The following ZNF415 variants were observed in gnomAD, a reference collection of about 807,000 sequenced individuals.
The protein encoded by ZNF415 is zinc finger protein 415.
In ZNF415, 5 loss-of-function variants were observed where a neutral mutation model predicts 7.3. That is an observed-to-expected ratio of 0.69 (90% CI 0.36 to 1.44). The LOEUF is 1.44. ZNF415 is among the 40% of genes most tolerant of loss of function. The pLI, the probability that ZNF415 is intolerant of heterozygous loss-of-function variation, is 0.04. For synonymous variants in ZNF415, 207 were observed against 226.3 expected (o/e 0.91, Z 0.77); for missense variants, 628 against 664.8 (o/e 0.94, Z 0.61).
At chr19:53,120,198 A>G (rs926078741) in intron 2 of ZNF415, among the ~76,000 whole-genome samples, 4 of 152,198 alleles carry the variant, frequency 2.6e-5, no homozygotes, top group Non-Finnish European at 5.9e-5. Context: ...ACTCAAGGTA[A>G]TAGACACTTC....
chr19:53,112,679 CAT>C (rs1168881867), intron 3 of ZNF415, among the ~76,000 whole-genome samples: 1 of 152,104 alleles, frequency 6.6e-6, no homozygotes, highest in Non-Finnish European at 1.5e-5. Context: ...ATCAAGGTAT[CAT>C]GTGAGGATAG....
chr19:53,129,935 T>G (rs1288937126), intron 1 of ZNF415, among the ~76,000 whole-genome samples: 1 of 151,956 alleles, frequency 6.6e-6, no homozygotes, highest in African/African-American at 2.4e-5. Flanking sequence ...TGTGGTGGCC[T>G]GTGCCTGTAA....
intron 3 of ZNF415, chr19:53,115,145 G>C (rs1026437353): frequency 6.4e-6 from 1 of 156,358 alleles, no homozygotes; most frequent in Non-Finnish European, 1.4e-5. Context: ...AGACCAGCCT[G>C]ACCAACATGG....
chr19:53,111,344 T>C (rs997597005), intron 3 of ZNF415, among the ~76,000 whole-genome samples: 49 of 146,256 alleles, frequency 3.4e-4, no homozygotes, highest in East Asian at 1.4e-3. Context: ...ATATTTCTTT[T>C]TTTTTTTTTT....
intron 1 of ZNF415, among the ~76,000 whole-genome samples, chr19:53,127,821 G>A (rs1353942556): frequency 1.3e-5 from 2 of 149,952 alleles, no homozygotes; most frequent in Non-Finnish European, 3.0e-5. Context: ...AGGTTGCAGT[G>A]GGCCAGGATC....
At position 53,108,364 on chromosome 19, in the gene ZNF415, A is replaced by G. The variant is rs757554565; in HGVS notation, c.*13T>C. On this transcript the variant is annotated 3_prime_UTR_variant, in exon 4 of 4. Transcript: ENST00000243643. ...CTCACAGGATTTAAACTTTGACTGA[A>G]GACCTTGCCATATTAATTTCTTTTA... 3 of 1,582,400 alleles carry G rather than the reference A, an allele frequency of 1.9e-6. No homozygotes were observed. In the Admixed American group the frequency reaches 5.5e-5, roughly 29 times the overall value.
intron 1 of ZNF415, among the ~76,000 whole-genome samples, chr19:53,131,818 C>G (rs1297501989): frequency 1.3e-5 from 2 of 152,096 alleles, no homozygotes; most frequent in Non-Finnish European, 2.9e-5. Flanking sequence ...CTGTTAAATT[C>G]CCTCTTCCCT....
In ZNF415 at chr19:53,116,319, A is replaced by G. The variant is rs982202288; in HGVS notation, c.130T>C (p.Ser44Pro). 2 of 1,608,160 alleles carry G rather than the reference A, an allele frequency of 1.2e-6. No homozygotes were observed. Among genetic ancestry groups the G allele is most frequent in the Admixed American group, 1.7e-5 (1 of 58,166 alleles). ...GGAAGAAAATTATCCTCACCCAGGG[A>G]GACCAGGTTCCTGTAGTTCTCCAAC... Reference protein sequence around the residue: ...VMLENYRNLVSLDLSRNCVIK... With the variant: ...VMLENYRNLVPLDLSRNCVIK... Residue 44 changes from serine (S) to proline (P), a missense_variant, in exon 3 of 4, where the codon TCC becomes CCC. By Grantham distance (74) the Ser-to-Pro change is moderately conservative. Transcript: ENST00000243643.
intron 1 of ZNF415, among the ~76,000 whole-genome samples, chr19:53,129,104 G>A (rs115492417): frequency 1.7e-3 from 256 of 152,302 alleles, no homozygotes; most frequent in African/African-American, 5.7e-3. Flanking sequence ...AAAAGGGACA[G>A]GGTCACGATC....
intron 3 of ZNF415, among the ~76,000 whole-genome samples, chr19:53,111,081 A>G (rs1027544315): frequency 1.3e-5 from 2 of 152,198 alleles, no homozygotes; most frequent in Admixed American, 1.3e-4. Context: ...CTAAGGTCCT[A>G]TCCTCCAGTG....
At chr19:53,119,628 G>A (rs1385738876) in intron 2 of ZNF415, among the ~76,000 whole-genome samples, 3 of 151,464 alleles carry the variant, frequency 2.0e-5, no homozygotes, top group African/African-American at 7.3e-5. Flanking sequence ...TGAAATGTTG[G>A]TTATTTTTAA....
intron 2 of ZNF415, among the ~76,000 whole-genome samples, chr19:53,118,371 C>A (rs2087395436): frequency 6.6e-6 from 1 of 152,116 alleles, no homozygotes; most frequent in African/African-American, 2.4e-5. Context: ...TTAGGGATTT[C>A]AGCATTAGAC....
At chr19:53,120,197 A>C (rs1385964361) in intron 2 of ZNF415, among the ~76,000 whole-genome samples, 1 of 152,202 alleles carries the variant, frequency 6.6e-6, no homozygotes, top group Non-Finnish European at 1.5e-5. Context: ...TACTCAAGGT[A>C]ATAGACACTT....
intron 1 of ZNF415, among the ~76,000 whole-genome samples, chr19:53,131,063 CTTTTTTTTTTTTT>C (rs59835974): frequency 2.9e-4 from 15 of 51,588 alleles, no homozygotes; most frequent in Admixed American, 4.7e-4. Context: ...TTTCTTGCAA[CTTTTTTTTTTTTT>C]TTTTTTTTTT....
At position 53,109,163 on chromosome 19, in the gene ZNF415, G is replaced by C. The variant is rs1259599450; in HGVS notation, c.882C>G (p.His294Gln). The C allele has an allele frequency of 6.2e-7, 1 of 1,613,808 alleles. No homozygotes were observed. Among genetic ancestry groups the C allele is most frequent in the Admixed American group, 1.7e-5 (1 of 59,996 alleles). ...AACATTTGTAAGGTTTCTCTCCAGT[G>C]TGAACTCTCCGATGTAGTGCAAGGC... Reference protein sequence around the residue: ...NSCLALHRRVHTGEKPYKCYE... With the variant: ...NSCLALHRRVQTGEKPYKCYE... The change falls in exon 4 of 4, where the codon CAC becomes CAG. Residue 294 changes from histidine (H) to glutamine (Q), a missense_variant. Physicochemically the swap from His to Gln is conservative, Grantham distance 24. Transcript: ENST00000243643.
intron 3 of ZNF415, among the ~76,000 whole-genome samples, chr19:53,115,041 A>C (rs1043074191): frequency 6.6e-6 from 1 of 152,124 alleles, no homozygotes; most frequent in African/African-American, 2.4e-5. Flanking sequence ...TGGCATCAAG[A>C]ACAGGAGAGA....
intron 1 of ZNF415, among the ~76,000 whole-genome samples, chr19:53,123,275 G>C (rs2088449625): frequency 6.6e-6 from 1 of 152,130 alleles, no homozygotes; most frequent in Non-Finnish European, 1.5e-5. Flanking sequence ...GGTCAGCCCA[G>C]CATAGCCCCC....
At chr19:53,122,215 C>T (rs1247311359) in intron 2 of ZNF415, among the ~76,000 whole-genome samples, 1 of 152,060 alleles carries the variant, frequency 6.6e-6, no homozygotes, top group Non-Finnish European at 1.5e-5. Context: ...CATTGCACTC[C>T]AGCCTGGGCA....
rs145624818 is a variant in ZNF415, at chr19:53,123,695, T to C, written c.-67-952A>G. 7.1e-4 allele frequency: 281 copies of C among 398,318 alleles called. 1 individual carries two copies. The highest frequency in any genetic ancestry group is 1.3e-3 in the East Asian group (37 of 28,056). 24.7% of individuals were successfully genotyped at this position (398,318 alleles called of 1,614,324 possible). A position where few individuals can be genotyped will look rare whatever the true frequency, so the allele number is the denominator to read the frequency against. Reference sequence around the variant, plus strand: ...CAGGCAGGGCAGATGCTGTCAAACATTTTTCTCCCACACCTCAAAAGAATT... The same window carrying C: ...CAGGCAGGGCAGATGCTGTCAAACACTTTTCTCCCACACCTCAAAAGAATT... On this transcript the variant is annotated intron_variant, in intron 1 of 3. Coordinates refer to ENST00000243643, the MANE Select transcript of ZNF415 (RefSeq NM_018355.4).
Sources: gnomAD v4.1 joint callset for allele counts (sites outside exome capture counted in the v4.1 genomes callset) on GRCh38, gnomAD v4.1.1 for gene constraint, MANE v1.5 for transcripts, NCBI Gene and HGNC (gene_info 2026-07-23, HGNC 2026-07-21) for gene names.